MYO10: variants seen among roughly 807,000 people sequenced by gnomAD.
The protein encoded by MYO10 is unconventional myosin-X.
MYO10 carries 133 observed loss-of-function variants against 257.3 expected under a neutral mutation model. The observed-to-expected ratio is 0.52, with a 90% CI of 0.45 to 0.60. The LOEUF (loss-of-function observed/expected upper bound fraction) is 0.60. Among genes scored for constraint, MYO10 ranks in the 20% least tolerant of loss-of-function variants. MYO10 has a pLI of 0.00. For missense variants in MYO10, 2,399 were observed against 2,635.7 expected, an observed-to-expected ratio of 0.91 and a Z score of 1.97; for synonymous variants, 1,104 against 1,028.6, an observed-to-expected ratio of 1.07 and a Z score of -1.40.
rs1325030840 is a variant in MYO10 at position 16,675,023 on chromosome 5, G to T, written c.4794C>A (p.Asp1598Glu). 4.3e-6 allele frequency: 7 copies of T among 1,613,882 alleles called. No homozygotes were observed. Among genetic ancestry groups the T allele is most frequent in the Non-Finnish European group, 5.9e-6 (7 of 1,179,900 alleles). Residue 1598 changes from aspartate (D) to glutamate (E), a missense_variant, in exon 35 of 41, where the codon GAC becomes GAA. Transcript: ENST00000513610. ...IIQGILQTGH[D>E]LRPLRDELYC... ...ACAGCTCGTCCCGCAGAGGTCGCAG[G>T]TCATGCCCTGTCTGTAGGATGCCCT...
chr5:16,862,641 C>T (rs531371508), intron 2 of MYO10, among the ~76,000 whole-genome samples: 1 of 152,232 alleles, frequency 6.6e-6, no homozygotes, highest in African/African-American at 2.4e-5. Flanking sequence ...TGATTCCGTC[C>T]GTTTTCTATT....
rs559527462 is a variant in MYO10, at chr5:16,823,296, T to C, written c.121-5129A>G. Among the ~76,000 whole-genome samples, 6 of 148,196 alleles carry C rather than the reference T, an allele frequency of 4.0e-5. No homozygotes were observed. The South Asian group carries it at 1.1e-3, about 28-fold the overall frequency. On this transcript the variant is annotated intron_variant, in intron 2 of 40. Coordinates refer to ENST00000513610, the MANE Select transcript of MYO10 (RefSeq NM_012334.3). ...CCCGTCACTACTAAAAACACAAAAATTAGCCAGGCATGGTGGCACGTGACG... is the reference window on the plus strand; with the variant it reads ...CCCGTCACTACTAAAAACACAAAAACTAGCCAGGCATGGTGGCACGTGACG...
At chr5:16,905,757 A>T (rs561069813) in intron 1 of MYO10, among the ~76,000 whole-genome samples, 74 of 152,310 alleles carry the variant, frequency 4.9e-4, no homozygotes, top group Non-Finnish European at 8.7e-4. Flanking sequence ...TGCCACCAGT[A>T]AAAGTAAGAA....
chr5:16,746,483 C>T (rs191413410), intron 19 of MYO10, among the ~76,000 whole-genome samples: 1 of 152,194 alleles, frequency 6.6e-6, no homozygotes, highest in East Asian at 1.9e-4. Context: ...AAGCAGCCAC[C>T]ATGCTGCGAC....
At chr5:16,828,882 C>T (rs1454677472) in intron 2 of MYO10, among the ~76,000 whole-genome samples, 1 of 152,086 alleles carries the variant, frequency 6.6e-6, no homozygotes, top group East Asian at 1.9e-4. Flanking sequence ...ATGCCCAGCC[C>T]CAGTGTACTA....
Position 16,930,554 on chromosome 5 carries a change from C to T in MYO10, c.21+5234G>A, listed in dbSNP as rs143761990. Among the ~76,000 whole-genome samples the T allele has an allele frequency of 1.6e-3, 239 of 152,296 alleles. 1 individual carries two copies. The highest frequency in any genetic ancestry group is 5.5e-3 in the African/African-American group (228 of 41,558). ...ACCTCAGAACAAAAAGCTCTAAGGT[C>T]GAGATTTCCCTGCACCAGGAGTACT... On this transcript the variant is annotated intron_variant, in intron 1 of 40. Coordinates refer to ENST00000513610, the MANE Select transcript of MYO10 (RefSeq NM_012334.3).
chr5:16,691,024 C>G (rs1264439315), intron 27 of MYO10, among the ~76,000 whole-genome samples: 2 of 151,994 alleles, frequency 1.3e-5, no homozygotes, highest in Non-Finnish European at 2.9e-5. Flanking sequence ...AATCCCAGCA[C>G]TTTGGGAGGC....
Position 16,720,016 on chromosome 5 carries a change from GTGTGTGTA to G in MYO10, c.1930-8779_1930-8772del, listed in dbSNP as rs1359612027. ...TGTGTGTGTGTGTGTGTGTGTGTGTGTGTGTGTATATGTATGTATGTATTAGAAGCCTC... is the reference window on the plus strand; with the variant it reads ...TGTGTGTGTGTGTGTGTGTGTGTGTGTATGTATGTATGTATTAGAAGCCTC... On this transcript the variant is annotated intron_variant, in intron 19 of 40. Coordinates refer to ENST00000513610, the MANE Select transcript of MYO10 (RefSeq NM_012334.3). Among the ~76,000 whole-genome samples the G allele has an allele frequency of 1.1e-3, 154 of 142,542 alleles. 1 individual carries two copies. The highest frequency in any genetic ancestry group is 3.1e-3 in the African/African-American group (102 of 32,824). 93.5% of individuals were successfully genotyped at this position (142,542 alleles called of 152,430 possible).
At chr5:16,899,981 C>T (rs972030927) in intron 1 of MYO10, among the ~76,000 whole-genome samples, 4 of 111,818 alleles carry the variant, frequency 3.6e-5, no homozygotes, top group African/African-American at 7.3e-5. Flanking sequence ...CTGGGCAACA[C>T]AGCAAGATGC....
intron 2 of MYO10, among the ~76,000 whole-genome samples, chr5:16,872,503 GTAAAGTTAATGT>G (rs935305144): frequency 2.0e-5 from 3 of 152,002 alleles, no homozygotes; most frequent in Non-Finnish European, 4.4e-5. Flanking sequence ...AGTTAAGATG[GTAAAGTTAATGT>G]TATGTGATTC....
intron 1 of MYO10, among the ~76,000 whole-genome samples, chr5:16,878,399 T>C (rs1435485032): frequency 6.6e-6 from 1 of 152,220 alleles, no homozygotes; most frequent in East Asian, 1.9e-4. Flanking sequence ...AAGTTCAGGA[T>C]TGTATCTTAA....
At chr5:16,875,021 C>CA (rs1305280985) in intron 2 of MYO10, among the ~76,000 whole-genome samples, 1 of 152,142 alleles carries the variant, frequency 6.6e-6, no homozygotes, top group Non-Finnish European at 1.5e-5. Context: ...CATCAGATCT[C>CA]ATGAGACTTA....
intron 2 of MYO10, among the ~76,000 whole-genome samples, chr5:16,857,707 G>T (rs1025325373): frequency 1.3e-5 from 2 of 152,110 alleles, no homozygotes; most frequent in African/African-American, 2.4e-5. Context: ...TTTTGCCACG[G>T]GCTACTTTAA....
intron 3 of MYO10, among the ~76,000 whole-genome samples, chr5:16,804,682 A>C (rs577660979): frequency 6.6e-6 from 1 of 152,166 alleles, no homozygotes; most frequent in East Asian, 1.9e-4. Context: ...AGACCAGCCA[A>C]GGCAGGAGGA....
At chr5:16,670,053 C>T (rs184948112) in intron 39 of MYO10, among the ~76,000 whole-genome samples, 1 of 152,112 alleles carries the variant, frequency 6.6e-6, no homozygotes, top group East Asian at 1.9e-4. Flanking sequence ...TTTCAATAAG[C>T]GGTCTACTTA....
intron 34 of MYO10, 138 bp from the exon 35 acceptor site, chr5:16,675,288 A>C: frequency 1.2e-6 from 1 of 830,894 alleles, no homozygotes; most frequent in Non-Finnish European, 1.9e-6. Flanking sequence ...ATACATCTCA[A>C]TCAGTTGAAC....
At position 16,698,870 on chromosome 5, in the gene MYO10, G is replaced by A. The variant is rs185146661; in HGVS notation, c.3556+580C>T. Reference sequence around the variant, plus strand: ...GATCTCCTGACCTCATGATCCACCCGCCTCGGCCTCCCAAAGTGCTGGGAT... The same window carrying A: ...GATCTCCTGACCTCATGATCCACCCACCTCGGCCTCCCAAAGTGCTGGGAT... On this transcript the variant is annotated intron_variant, in intron 26 of 40. Coordinates refer to ENST00000513610, the MANE Select transcript of MYO10 (RefSeq NM_012334.3). Among the ~76,000 whole-genome samples, 343 of 143,788 alleles carry A rather than the reference G, an allele frequency of 2.4e-3. 16 individuals carry two copies. Among genetic ancestry groups the A allele is most frequent in the African/African-American group, 9.5e-3 (323 of 33,824 alleles). 94.3% of individuals were successfully genotyped at this position (143,788 alleles called of 152,430 possible). A position where few individuals can be genotyped will look rare whatever the true frequency, so the allele number is the denominator to read the frequency against.
intron 1 of MYO10, among the ~76,000 whole-genome samples, chr5:16,891,905 C>T (rs901413950): frequency 6.6e-6 from 1 of 152,220 alleles, no homozygotes; most frequent in Non-Finnish European, 1.5e-5. Context: ...AAGCAGTTCA[C>T]AAGCGAGACC....
intron 2 of MYO10, among the ~76,000 whole-genome samples, chr5:16,821,887 G>A (rs1580034619): frequency 6.7e-6 from 1 of 149,912 alleles, no homozygotes; most frequent in South Asian, 2.1e-4. Context: ...GGAGACAATC[G>A]CTACATGAAT....
Sources: gnomAD v4.1 joint callset for allele counts (sites outside exome capture counted in the v4.1 genomes callset) on GRCh38, gnomAD v4.1.1 for gene constraint, MANE v1.5 for transcripts, NCBI Gene and HGNC (gene_info 2026-07-23, HGNC 2026-07-21) for gene names.